The following FLNA variants were observed in gnomAD, a reference collection of about 807,000 sequenced individuals.
FLNA encodes the protein filamin A.
In FLNA, 7 loss-of-function variants were observed where a neutral mutation model predicts 157.6. The observed-to-expected ratio is 0.04, with a 90% CI of 0.03 to 0.08. The LOEUF is 0.08. FLNA is among the 10% of genes least tolerant of loss of function. The probability of loss-of-function intolerance (pLI) is 1.00; values close to 1 mark genes in which losing one functional copy is unlikely to be tolerated. For synonymous variants in FLNA, 1,103 were observed against 1,060.8 expected (o/e 1.04, Z -0.77); for missense variants, 1,750 against 2,398.4 (o/e 0.73, Z 5.65).
intron 21 of FLNA, 137 bp downstream of exon 21, chrX:154,361,171 G>A (rs1212089088): frequency 3.4e-6 from 2 of 586,600 alleles, no homozygotes; most frequent in African/African-American, 5.1e-5. Flanking sequence ...CTTAAACAGG[G>A]TCAAGGTTGA....
intron 28 of FLNA, 131 bp from the exon 29 acceptor site, chrX:154,357,754 T>C (rs782075810): frequency 5.8e-5 from 36 of 623,591 alleles, no homozygotes; most frequent in Non-Finnish European, 9.1e-5. Flanking sequence ...TTAACTGCTA[T>C]GGCCCAAAAG....
Position 154,364,631 on chromosome X carries a change from C to T in FLNA, c.1917G>A (p.Glu639=). 2.5e-6 allele frequency: 3 copies of T among 1,211,437 alleles called. No homozygotes were observed. Among genetic ancestry groups the T allele is most frequent in the East Asian group, 3.0e-5 (1 of 33,854 alleles). The change falls in exon 13 of 48, where the codon GAG becomes GAA. Residue 639 remains glutamate, a synonymous_variant. Coordinates refer to ENST00000369850, the MANE Select transcript of FLNA (RefSeq NM_001110556.2). ...GSCDVRYWPQ[E]AGEYAVHVLC... is the part of the protein sequence containing the mutation. ...GCACGTGAACGGCATACTCGCCAGC[C>T]TCCTGCGGCCAGTAGCGCACATCAC...
chrX:154,371,519 T>G (rs1190876149), intron 1 of FLNA, among the ~76,000 whole-genome samples, 158 bp from the exon 2 acceptor site: 1 of 111,469 alleles, frequency 9.0e-6, no homozygotes, highest in Non-Finnish European at 1.9e-5. Flanking sequence ...GTTCGGCTGA[T>G]CAGACGCGAA....
chrX:154,367,636 T>G lies in FLNA; in HGVS notation c.720+5A>C. On this transcript the variant is annotated splice_donor_5th_base_variant and intron_variant, in intron 4 of 47. Coordinates refer to ENST00000369850, the MANE Select transcript of FLNA (RefSeq NM_001110556.2). The stretch of plus-strand genomic sequence containing the variant: ...TACAGCTGTAGCCAGGCCGGGCGGG[T>G]GTACCTGGGGGATGCCCAGCCAGTC... The G allele has an allele frequency of 8.3e-7, 1 of 1,210,583 alleles. No homozygotes were observed. Among genetic ancestry groups the G allele is most frequent in the East Asian group, 3.0e-5 (1 of 33,826 alleles).
Position 154,352,286 on chromosome X carries a change from G to C in FLNA, c.6664C>G (p.Pro2222Ala), listed in dbSNP as rs1248674023. The C allele has an allele frequency of 8.3e-7, 1 of 1,211,001 alleles. No individual in the cohort carries two copies. The highest frequency in any genetic ancestry group is 1.7e-5 in the African/African-American group (1 of 57,633). The change falls in exon 41 of 48, where the codon CCT (proline) becomes GCT (alanine). Residue 2222 changes from proline (P) to alanine (A), a missense_variant. Transcript: ENST00000369850. Reference sequence around the variant, plus strand: ...ACGGTGAACTGGAAGGGGCTCCCAGGCACGTGCTGGCCCTTGTACTTCACG... The same window carrying C: ...ACGGTGAACTGGAAGGGGCTCCCAGCCACGTGCTGGCCCTTGTACTTCACG... ...VSVKYKGQHV[P>A]GSPFQFTVGP...
chrX:154,360,983 G>T (rs896686241), intron 21 of FLNA, among the ~76,000 whole-genome samples: 45 of 96,537 alleles, frequency 4.7e-4, no homozygotes, highest in African/African-American at 1.7e-3. Context: ...GGAGGCGGAG[G>T]GTGCCGTGAG....
In FLNA at chrX:154,371,181, T is replaced by C. The variant is rs782598729; in HGVS notation, c.65A>G (p.Asp22Gly). 8.1e-5 allele frequency: 97 copies of C among 1,194,162 alleles called. 1 individual carries two copies. The Admixed American group carries it at 1.1e-3, about 13-fold the overall frequency. Residue 22 changes from aspartate to glycine, a missense_variant, in exon 2 of 48, where the codon GAC becomes GGC. By Grantham distance (94) the Asp-to-Gly change is moderately conservative. Transcript: ENST00000369850. ...AAGAAPGGGV[D>G]TRDAEMPATE... Reference sequence around the variant, plus strand: ...GGCCGGCATCTCGGCGTCCCGCGTGTCGACGCCGCCGCCCGGAGCCGCGCC... The same window carrying C: ...GGCCGGCATCTCGGCGTCCCGCGTGCCGACGCCGCCGCCCGGAGCCGCGCC...
intron 42 of FLNA, 48 bp downstream of exon 42, chrX:154,351,833 ATAC>A (rs781850001): frequency 8.3e-7 from 1 of 1,200,382 alleles, no homozygotes; most frequent in Admixed American, 2.2e-5. Context: ...CCTGGGTCCA[ATAC>A]CCACACTCAG....
At chrX:154,353,893 C>G (rs1557176303) in intron 35 of FLNA, 22 bp downstream of exon 35, 1 of 1,211,707 alleles carries the variant, frequency 8.3e-7, no homozygotes, top group South Asian at 1.8e-5. Flanking sequence ...CAGAGCAGGT[C>G]AAGACCAGAG....
chrX:154,359,076 C>T lies in FLNA; in HGVS notation c.4382G>A (p.Gly1461Asp). The T allele has an allele frequency of 8.3e-7, 1 of 1,211,333 alleles. No homozygotes were observed. Among genetic ancestry groups the T allele is most frequent in the Non-Finnish European group, 1.1e-6 (1 of 895,385 alleles). ...CTGAGGGAGGTTGGCACGAACCATG[C>T]CTGGGCTCAGGCCGGGCCCAGAGCA... ...VKCSGPGLSP[G>D]MVRANLPQSF... Residue 1461 changes from glycine (G) to aspartate (D), a missense_variant, in exon 26 of 48, where the codon GGC becomes GAC. This residue lies in a region of FLNA where 970 missense variants were observed against 1,302.6 expected (regional missense o/e 0.74). Coordinates refer to ENST00000369850, the MANE Select transcript of FLNA (RefSeq NM_001110556.2).
At chrX:154,351,500 G>T in intron 43 of FLNA, 81 bp downstream of exon 43, 1 of 682,596 alleles carries the variant, frequency 1.5e-6, no homozygotes. Flanking sequence ...CTGAACACAG[G>T]GCCAAGGCCT....
intron 35 of FLNA, 23 bp from the exon 36 acceptor site, chrX:154,353,750 A>G (rs782398529): frequency 8.3e-7 from 1 of 1,203,607 alleles, no homozygotes; most frequent in Admixed American, 2.2e-5. Flanking sequence ...GTGGGTGAGC[A>G]TGGGAACTAT....
chrX:154,361,088 A>G (rs782017325), intron 21 of FLNA, among the ~76,000 whole-genome samples: 1,798 of 100,281 alleles, frequency 0.018, 14 homozygotes, highest in Non-Finnish European at 0.03. Context: ...AAGAAAGAAA[A>G]AAAAAAAAAA....
intron 26 of FLNA, 153 bp from the exon 27 acceptor site, chrX:154,358,721 C>A: frequency 1.4e-6 from 1 of 730,355 alleles, no homozygotes; most frequent in Non-Finnish European, 2.1e-6. Context: ...CCCTCTGGCA[C>A]GAAAGACACC....
rs782470285 is a variant in FLNA, at chrX:154,365,434, A to G, written c.1482T>C (p.Gly494=). Residue 494 remains glycine (G), a synonymous_variant, in exon 10 of 48, where the codon GGT becomes GGC. Coordinates refer to ENST00000369850, the MANE Select transcript of FLNA (RefSeq NM_001110556.2). ...RAVGRGLQPK[G]VRVKETADFK... is the part of the protein sequence containing the mutation. ...AGTCAGCTGTCTCCTTCACCCGCAC[A>G]CCCTTGGGCTGGAGGCCCCGGCCAA... is the stretch of plus-strand genomic sequence containing the variant. 7 of 1,210,506 alleles carry G rather than the reference A, an allele frequency of 5.8e-6. No individual in the cohort carries two copies. In the East Asian group the frequency reaches 2.1e-4, roughly 36 times the overall value.
In FLNA at chrX:154,371,297, G is replaced by T. The variant is rs1217937098; in HGVS notation, c.-52C>A. 2.5e-6 allele frequency: 3 copies of T among 1,179,735 alleles called. No homozygotes were observed. Among genetic ancestry groups the T allele is most frequent in the Non-Finnish European group, 3.4e-6 (3 of 883,529 alleles). ...GGTGCTGCAGCCTCGGCGAGGGGAC[G>T]GCCCTTTAATTAAAGTCGCAGGCAC... On this transcript the variant is annotated 5_prime_UTR_variant, in exon 2 of 48. Transcript: ENST00000369850.
chrX:154,367,503 C>T lies in FLNA; in HGVS notation c.762G>A (p.Glu254=), dbSNP rs2148119000. 1 of 1,211,446 alleles carries T rather than the reference C, an allele frequency of 8.3e-7. No homozygotes were observed. The highest frequency in any genetic ancestry group is 1.1e-6 in the Non-Finnish European group (1 of 895,334). The change falls in exon 5 of 48, where the codon GAG becomes GAA. Residue 254 remains glutamate (E), a synonymous_variant. Coordinates refer to ENST00000369850, the MANE Select transcript of FLNA (RefSeq NM_001110556.2). ...PEEIVDPNVD[E]HSVMTYLSQF... ...GGGACAGGTAGGTCATGACAGAGTG[C>T]TCGTCCACGTTGGGGTCCACAATCT... is the stretch of plus-strand genomic sequence containing the variant.
rs2148103828 is a variant in FLNA, at chrX:154,352,206, C to T, written c.6744G>A (p.Leu2248=). 5.0e-6 allele frequency: 6 copies of T among 1,210,806 alleles called. No individual in the cohort carries two copies. The highest frequency in any genetic ancestry group is 6.7e-6 in the Non-Finnish European group (6 of 895,334). ...CTGGCACTCCAGCTTCAGCTCTCTC[C>T]AGGCCAGGGCCCCCAGCTCGGACCT... ...AHKVRAGGPG[L]ERAEAGVPAE... The change falls in exon 41 of 48, where the codon CTG becomes CTA. Residue 2248 remains leucine, a synonymous_variant. Transcript: ENST00000369850.
Position 154,359,352 on chromosome X carries a change from C to T in FLNA, c.4197G>A (p.Lys1399=). 1 of 1,211,450 alleles carries T rather than the reference C, an allele frequency of 8.3e-7. No individual in the cohort carries two copies. Among genetic ancestry groups the T allele is most frequent in the Non-Finnish European group, 1.1e-6 (1 of 895,570 alleles). ...CGTCCTTGTTATCCATGCAGGACAT[C>T]TTGGCCTCGGAGGGGCCCTCTACAG... The part of the protein sequence containing the change: ...GLAVEGPSEA[K]MSCMDNKDGS... The change falls in exon 25 of 48, where the codon AAG becomes AAA. Residue 1399 remains lysine (K), a synonymous_variant. Coordinates refer to ENST00000369850, the MANE Select transcript of FLNA (RefSeq NM_001110556.2).
Sources: gnomAD v4.1 joint callset for allele counts (sites outside exome capture counted in the v4.1 genomes callset) on GRCh38, gnomAD v4.1.1 for gene constraint, gnomAD v4.1.1 regional missense constraint, MANE v1.5 for transcripts, NCBI Gene and HGNC (gene_info 2026-07-23, HGNC 2026-07-21) for gene names.